Variants in TOPAZ1 observed in about 807,000 individuals in gnomAD.
TOPAZ1 encodes testis and ovary specific TOPAZ 1.
In TOPAZ1, 66 loss-of-function variants were observed where a neutral mutation model predicts 172.2. That is an observed-to-expected ratio of 0.38 (90% CI 0.31 to 0.47). The LOEUF is 0.47. TOPAZ1 is among the 20% of genes least tolerant of loss of function. The probability of loss-of-function intolerance (pLI) is 0.99; values close to 1 mark genes in which losing one functional copy is unlikely to be tolerated. For missense variants in TOPAZ1, 1,822 were observed against 1,972.4 expected (o/e 0.92, Z 1.44); for synonymous variants, 681 against 683.9 (o/e 1.00, Z 0.07).
At chr3:44,280,986 G>C (rs2125690633) in intron 8 of TOPAZ1, among the ~76,000 whole-genome samples, 1 of 152,322 alleles carries the variant, frequency 6.6e-6, no homozygotes, top group East Asian at 1.9e-4. Flanking sequence ...CCTCTCTGGA[G>C]CAGTGCTTTT....
intron 12 of TOPAZ1, among the ~76,000 whole-genome samples, chr3:44,298,635 A>G (rs1317602427): frequency 2.0e-5 from 3 of 151,674 alleles, no homozygotes; most frequent in Non-Finnish European, 4.4e-5. Context: ...AATTGATTTT[A>G]TAAGGTACAA....
intron 19 of TOPAZ1, 76 bp downstream of exon 19, chr3:44,328,509 T>C (rs894026725): frequency 1.4e-6 from 1 of 737,070 alleles, no homozygotes; most frequent in Non-Finnish European, 2.1e-6. Flanking sequence ...TGTAAATGTT[T>C]TATGTGTTTT....
intron 16 of TOPAZ1, among the ~76,000 whole-genome samples, chr3:44,319,465 T>G (rs1046351180): frequency 5.9e-5 from 9 of 152,212 alleles, no homozygotes; most frequent in African/African-American, 2.2e-4. Flanking sequence ...CTACTTTTTG[T>G]ACATGGGATA....
At position 44,265,517 on chromosome 3, in the gene TOPAZ1, C is replaced by T. The variant is rs1699821162; in HGVS notation, c.3021-1480C>T. Among the ~76,000 whole-genome samples, 4 of 152,160 alleles carry T rather than the reference C, an allele frequency of 2.6e-5. No individual in the cohort carries two copies. The South Asian group carries it at 8.3e-4, about 32-fold the overall frequency. ...GTTGTAGTGAGCTGAGATCGCACCA[C>T]TGCACTCCAGCCTGGGCGACAGAGC... On this transcript the variant is annotated intron_variant, in intron 5 of 19. Transcript: ENST00000309765.
At chr3:44,297,049 T>TA (rs1183332163) in intron 12 of TOPAZ1, among the ~76,000 whole-genome samples, 1 of 151,378 alleles carries the variant, frequency 6.6e-6, no homozygotes, top group Non-Finnish European at 1.5e-5. Context: ...CACATGCCTG[T>TA]AATCCCAGCT....
intron 4 of TOPAZ1, among the ~76,000 whole-genome samples, chr3:44,258,254 G>C (rs377728225): frequency 2.0e-5 from 3 of 152,136 alleles, no homozygotes; most frequent in Admixed American, 6.6e-5. Context: ...GTGGATTCAC[G>C]TGCAGTTATA....
chr3:44,263,709 CTT>C (rs1349614971), intron 5 of TOPAZ1, among the ~76,000 whole-genome samples: 2 of 152,092 alleles, frequency 1.3e-5, no homozygotes, highest in Admixed American at 1.3e-4. Flanking sequence ...AGCTGAAAAA[CTT>C]ATTAGAATTA....
Position 44,244,780 on chromosome 3 carries a change from T to C in TOPAZ1, c.2274T>C (p.Ser758=). The change falls in exon 2 of 20, where the codon TCT becomes TCC. Residue 758 remains serine, a synonymous_variant. Coordinates refer to ENST00000309765, the MANE Select transcript of TOPAZ1 (RefSeq NM_001145030.2). ...GTGTAACTCCAGTGCAAGCTAGTTC[T>C]GACTCATTCTACAATAAGAAATCCT... ...RNSVTPVQAS[S]DSFYNKKSYS... is the part of the protein sequence containing the mutation. 6.4e-7 allele frequency: 1 copy of C among 1,551,656 alleles called. No individual in the cohort carries two copies. The highest frequency in any genetic ancestry group is 8.7e-7 in the Non-Finnish European group (1 of 1,146,984).
At position 44,256,298 on chromosome 3, in the gene TOPAZ1, G is replaced by C; in HGVS notation, c.2955+20G>C. ...GAAAAGGTACTAGGGGATCTTTTGTGTTTTTTTATTTCTTGGTCTTAAATA... is the reference window on the plus strand; with the variant it reads ...GAAAAGGTACTAGGGGATCTTTTGTCTTTTTTTATTTCTTGGTCTTAAATA... On this transcript the variant is annotated intron_variant, in intron 4 of 19. Transcript: ENST00000309765. 6.6e-7 allele frequency: 1 copy of C among 1,506,692 alleles called. No homozygotes were observed. The highest frequency in any genetic ancestry group is 8.8e-7 in the Non-Finnish European group (1 of 1,134,214). The allele number at this position is 1,506,692 out of a possible 1,614,324, so 93.3% of individuals were successfully genotyped here.
At chr3:44,284,786 A>G (rs796840824) in intron 9 of TOPAZ1, among the ~76,000 whole-genome samples, 18 of 152,352 alleles carry the variant, frequency 1.2e-4, no homozygotes, top group African/African-American at 3.4e-4. Context: ...GCAATTAGCA[A>G]TTCAGTAGAA....
At position 44,244,295 on chromosome 3, in the gene TOPAZ1, A is replaced by C; in HGVS notation, c.1789A>C (p.Lys597Gln). 6.4e-7 allele frequency: 1 copy of C among 1,550,864 alleles called. No homozygotes were observed. The highest frequency in any genetic ancestry group is 1.4e-5 in the African/African-American group (1 of 73,112). The change falls in exon 2 of 20, where the codon AAA (lysine) becomes CAA (glutamine). Residue 597 changes from lysine (K) to glutamine (Q), a missense_variant. This residue lies in a region of TOPAZ1 where 1,489 missense variants were observed against 1,490.8 expected (regional missense o/e 1.00). Transcript: ENST00000309765. Reference sequence around the variant, plus strand: ...TATAATCAAGGATGATAAAAAGATAAAATCAGAGGAACTGAGCAGAAGAGG... The same window carrying C: ...TATAATCAAGGATGATAAAAAGATACAATCAGAGGAACTGAGCAGAAGAGG... ...EPIIKDDKKI[K>Q]SEELSRRGSE...
At chr3:44,283,404 A>T (rs1700043670) in intron 9 of TOPAZ1, among the ~76,000 whole-genome samples, 1 of 152,202 alleles carries the variant, frequency 6.6e-6, no homozygotes, top group African/African-American at 2.4e-5. Flanking sequence ...CAACTTAAAG[A>T]GGCTCTGAAT....
intron 7 of TOPAZ1, among the ~76,000 whole-genome samples, chr3:44,269,789 G>T (rs376303422): frequency 6.6e-6 from 1 of 150,384 alleles, no homozygotes. Flanking sequence ...CCACCACCAC[G>T]CCCGGCTAAG....
Position 44,244,442 on chromosome 3 carries a change from A to C in TOPAZ1, c.1936A>C (p.Lys646Gln). 1.3e-6 allele frequency: 2 copies of C among 1,551,720 alleles called. No individual in the cohort carries two copies. The highest frequency in any genetic ancestry group is 1.7e-6 in the Non-Finnish European group (2 of 1,146,974). The change falls in exon 2 of 20, where the codon AAA becomes CAA. Residue 646 changes from lysine to glutamine, a missense_variant. This residue lies in a region of TOPAZ1 where 1,489 missense variants were observed against 1,490.8 expected (regional missense o/e 1.00). Coordinates refer to ENST00000309765, the MANE Select transcript of TOPAZ1 (RefSeq NM_001145030.2). ...GAAACTTAATTTGACAGCGACTTCCAAAGATGGTCAGGAAGCAAATAACTC... is the reference window on the plus strand; with the variant it reads ...GAAACTTAATTTGACAGCGACTTCCCAAGATGGTCAGGAAGCAAATAACTC... ...LTKLNLTATS[K>Q]DGQEANNSAG... is the part of the protein sequence containing the mutation.
intron 18 of TOPAZ1, among the ~76,000 whole-genome samples, chr3:44,327,804 G>A (rs1700618226): frequency 6.6e-6 from 1 of 151,984 alleles, no homozygotes; most frequent in Admixed American, 6.6e-5. Flanking sequence ...GAGTACAGTG[G>A]CACAATCTCG....
At chr3:44,294,155 G>A (rs573389894) in intron 12 of TOPAZ1, among the ~76,000 whole-genome samples, 1 of 152,156 alleles carries the variant, frequency 6.6e-6, no homozygotes, top group Non-Finnish European at 1.5e-5. Context: ...TGGGAGAATT[G>A]CTTGAATCTG....
intron 17 of TOPAZ1, among the ~76,000 whole-genome samples, chr3:44,322,794 T>TGTAG (rs1287227431): frequency 7.9e-5 from 12 of 152,156 alleles, no homozygotes; most frequent in Admixed American, 7.9e-4. Flanking sequence ...CTGGTGGACC[T>TGTAG]GTAGTCCAAG....
chr3:44,254,263 CA>C (rs1177352006), intron 2 of TOPAZ1, among the ~76,000 whole-genome samples: 1 of 151,610 alleles, frequency 6.6e-6, no homozygotes, highest in Non-Finnish European at 1.5e-5. Flanking sequence ...TAGGGACTAC[CA>C]AAAAAAATTG....
At chr3:44,329,672 A>C (rs1262843610) in intron 19 of TOPAZ1, among the ~76,000 whole-genome samples, 1 of 152,194 alleles carries the variant, frequency 6.6e-6, no homozygotes, top group Non-Finnish European at 1.5e-5. Flanking sequence ...GGTACACCAA[A>C]CAGCATGATT....
Sources: allele counts gnomAD v4.1 joint callset (sites outside exome capture counted in the v4.1 genomes callset), GRCh38; gene constraint gnomAD v4.1.1; regional missense constraint gnomAD v4.1.1; transcripts MANE v1.5; gene names NCBI Gene and HGNC (gene_info 2026-07-23, HGNC 2026-07-21).